Variants in ARMC9 observed in about 807,000 individuals in gnomAD.
ARMC9 encodes the protein lisH domain-containing protein ARMC9.
Under a neutral mutation model 107.0 loss-of-function variants are expected in ARMC9, and 94 were observed. The observed-to-expected ratio is 0.88, with a 90% CI of 0.74 to 1.04. The LOEUF is 1.04. Among genes scored for constraint, ARMC9 ranks in the 50% least tolerant of loss-of-function variants. The pLI is 0.00. For synonymous variants in ARMC9, 380 were observed against 396.9 expected (o/e 0.96, Z 0.51); for missense variants, 942 against 1,030.1 (o/e 0.91, Z 1.17).
intron 19 of ARMC9, among the ~76,000 whole-genome samples, chr2:231,302,897 T>C (rs2041841394): frequency 6.6e-6 from 1 of 152,066 alleles, no homozygotes; most frequent in African/African-American, 2.4e-5. Flanking sequence ...TCAGCTACTC[T>C]GGAGGCTGAG....
chr2:231,239,513 C>G (rs968798291), intron 8 of ARMC9, among the ~76,000 whole-genome samples: 1 of 152,164 alleles, frequency 6.6e-6, no homozygotes, highest in Admixed American at 6.5e-5. Context: ...GTGTGGAAAG[C>G]GAGAGGCAGA....
intron 12 of ARMC9, among the ~76,000 whole-genome samples, chr2:231,267,567 T>C (rs2125424497): frequency 6.6e-6 from 1 of 152,360 alleles, no homozygotes; most frequent in South Asian, 2.1e-4. Flanking sequence ...AATGGTGAGC[T>C]GCTGTGTATT....
At chr2:231,333,054 G>A (rs375913060) in intron 20 of ARMC9, among the ~76,000 whole-genome samples, 46 of 152,264 alleles carry the variant, frequency 3.0e-4, no homozygotes, top group Middle Eastern at 6.8e-3. Context: ...GCCAGGTCCC[G>A]TTGCCACCCC....
intron 17 of ARMC9, among the ~76,000 whole-genome samples, chr2:231,290,370 C>G (rs1033919481): frequency 1.3e-5 from 2 of 152,176 alleles, no homozygotes; most frequent in African/African-American, 4.8e-5. Context: ...TCCAAACTGG[C>G]CTACATAAAA....
intron 3 of ARMC9, among the ~76,000 whole-genome samples, chr2:231,210,910 C>T (rs1278786084): frequency 6.6e-6 from 1 of 152,152 alleles, no homozygotes. Context: ...ACAACTCCGC[C>T]TTTATCCTCC....
In ARMC9 at chr2:231,276,666, C is replaced by T. The variant is rs762443519; in HGVS notation, c.1365C>T (p.Asp455=). ...CGCTGCAGACAGCGATGATTCAAGA[C>T]GGCCTCATCTTCTGGCTGGTTGATG... ...RRPLQTAMIQ[D]GLIFWLVDVL... Residue 455 remains aspartate (D), a synonymous_variant, in exon 15 of 25, where the codon GAC becomes GAT. Coordinates refer to ENST00000611582, the MANE Select transcript of ARMC9 (RefSeq NM_001352754.2). 2.4e-5 allele frequency: 38 copies of T among 1,614,076 alleles called. No homozygotes were observed. Among genetic ancestry groups the T allele is most frequent in the Admixed American group, 8.3e-5 (5 of 60,004 alleles).
At chr2:231,215,163 C>G in intron 4 of ARMC9, 162 bp downstream of exon 4, 1 of 683,056 alleles carries the variant, frequency 1.5e-6, no homozygotes, top group Non-Finnish European at 2.3e-6. Flanking sequence ...CTACTGTATT[C>G]CCAGCAGTTT....
chr2:231,247,060 A>G (rs2036838813), intron 9 of ARMC9, among the ~76,000 whole-genome samples: 1 of 151,126 alleles, frequency 6.6e-6, no homozygotes, highest in South Asian at 2.1e-4. Flanking sequence ...GGTTCATGCC[A>G]TTCTCCTGCC....
intron 21 of ARMC9, 132 bp downstream of exon 21, chr2:231,345,222 GGGATTTTTGGA>G: frequency 6.9e-7 from 1 of 1,458,646 alleles, no homozygotes. Context: ...TTATTTTTGG[GGGATTTTTGGA>G]GGGAAAGAGG....
intron 14 of ARMC9, among the ~76,000 whole-genome samples, 177 bp from the exon 15 acceptor site, chr2:231,276,459 G>A (rs558204733): frequency 1.3e-5 from 2 of 152,080 alleles, no homozygotes; most frequent in African/African-American, 2.4e-5. Flanking sequence ...TAGTAGAGAC[G>A]GGGTTTCACC....
intron 17 of ARMC9, among the ~76,000 whole-genome samples, chr2:231,283,899 A>G (rs1385483344): frequency 4.0e-5 from 6 of 151,748 alleles, no homozygotes; most frequent in Non-Finnish European, 4.4e-5. Flanking sequence ...CACCTAGCTA[A>G]TTTTTTTTAA....
chr2:231,250,543 C>T (rs145497085), intron 9 of ARMC9, among the ~76,000 whole-genome samples: 17 of 152,270 alleles, frequency 1.1e-4, no homozygotes, highest in Non-Finnish European at 2.4e-4. Flanking sequence ...TGAGGAAAAT[C>T]AGTGCCGGCC....
At chr2:231,288,434 T>C (rs1267995378) in intron 17 of ARMC9, among the ~76,000 whole-genome samples, 2 of 152,224 alleles carry the variant, frequency 1.3e-5, no homozygotes, top group South Asian at 4.1e-4. Context: ...GAGGAAAATA[T>C]TTATATCTAC....
intron 20 of ARMC9, among the ~76,000 whole-genome samples, chr2:231,343,522 T>G (rs939953473): frequency 6.6e-6 from 1 of 152,138 alleles, no homozygotes; most frequent in African/African-American, 2.4e-5. Flanking sequence ...GCTAATATCT[T>G]ATGTAATTTA....
At chr2:231,351,886 C>T (rs997381390) in intron 21 of ARMC9, among the ~76,000 whole-genome samples, 2 of 152,106 alleles carry the variant, frequency 1.3e-5, no homozygotes, top group African/African-American at 4.8e-5. Context: ...ATCCTGTTGC[C>T]AGGAGTGTGG....
At chr2:231,258,360 T>C (rs780824065) in intron 10 of ARMC9, among the ~76,000 whole-genome samples, 1 of 152,038 alleles carries the variant, frequency 6.6e-6, no homozygotes, top group Non-Finnish European at 1.5e-5. Flanking sequence ...TTTGTGTTTT[T>C]AGTAGAGACG....
intron 14 of ARMC9, among the ~76,000 whole-genome samples, chr2:231,275,510 T>C (rs1311581545): frequency 6.6e-6 from 1 of 152,256 alleles, no homozygotes; most frequent in African/African-American, 2.4e-5. Flanking sequence ...TCATTCCTTA[T>C]AATTTGCATT....
chr2:231,278,254 A>C (rs1486840495), intron 15 of ARMC9, 128 bp from the exon 16 acceptor site: 1 of 850,420 alleles, frequency 1.2e-6, no homozygotes, highest in Non-Finnish European at 2.0e-6. Flanking sequence ...ACCCGAGGTC[A>C]TACAGCTCAC....
intron 12 of ARMC9, among the ~76,000 whole-genome samples, chr2:231,268,523 T>G (rs1559377391): frequency 6.6e-6 from 1 of 152,170 alleles, no homozygotes; most frequent in Non-Finnish European, 1.5e-5. Context: ...CTCTCCTGAA[T>G]TGGATCTCTG....
Sources: gnomAD v4.1 joint callset for allele counts (sites outside exome capture counted in the v4.1 genomes callset) on GRCh38, gnomAD v4.1.1 for gene constraint, MANE v1.5 for transcripts, NCBI Gene and HGNC (gene_info 2026-07-23, HGNC 2026-07-21) for gene names.